Variants in ASB18 observed in about 807,000 individuals in gnomAD.
The protein encoded by ASB18 is ankyrin repeat and SOCS box protein 18.
ASB18 carries 33 observed loss-of-function variants against 33.4 expected under a neutral mutation model. That is an observed-to-expected ratio of 0.99 (90% confidence interval 0.75 to 1.32). ASB18 has a LOEUF of 1.32. Ranked by LOEUF, ASB18 falls within the 40% of genes most tolerant of loss-of-function variation. The pLI is 0.00. For missense variants in ASB18, 694 were observed against 655.5 expected (o/e 1.06, Z -0.64); for synonymous variants, 295 against 307.6 (o/e 0.96, Z 0.43).
At position 236,255,040 on chromosome 2, in the gene ASB18, C is replaced by A. The variant is rs376015101; in HGVS notation, c.205+9101G>T. On this transcript the variant is annotated intron_variant, in intron 1 of 5. Coordinates refer to ENST00000409749, the MANE Select transcript of ASB18 (RefSeq NM_212556.4). The surrounding 1 kb of genome is among the most constrained non-coding windows in gnomAD (Gnocchi z 4.4). ...CCTGCTCCCCATTTGCGTTCCGCCG[C>A]GACTGAAAGCTTCCTGAAGTCTCCC... Among the ~76,000 whole-genome samples the A allele has an allele frequency of 2.0e-5, 3 of 152,196 alleles. No individual in the cohort carries two copies. The highest frequency in any genetic ancestry group is 2.9e-5 in the Non-Finnish European group (2 of 68,042).
In ASB18 at chr2:236,225,083, C is replaced by T. The variant is rs1410026108; in HGVS notation, c.597-10217G>A. ...CCCCCACCCATAAGATAATTAGCTG[C>T]TTTTATAGATCCAACTCCAGCTCAT... On this transcript the variant is annotated intron_variant, in intron 3 of 5. Transcript: ENST00000409749. The surrounding 1 kb of genome is among the most constrained non-coding windows in gnomAD (Gnocchi z 5.1). Among the ~76,000 whole-genome samples, 1 of 152,104 alleles carries T rather than the reference C, an allele frequency of 6.6e-6. No homozygotes were observed. The highest frequency in any genetic ancestry group is 1.5e-5 in the Non-Finnish European group (1 of 68,028).
chr2:236,234,378 T>C lies in ASB18; in HGVS notation c.596+3311A>G, dbSNP rs935272001. Reference sequence around the variant, plus strand: ...GAACCTCTCAGCTCTGATCTAGGCATGGCTGCTCAGAAATGGGGTATTCTT... The same window carrying C: ...GAACCTCTCAGCTCTGATCTAGGCACGGCTGCTCAGAAATGGGGTATTCTT... On this transcript the variant is annotated intron_variant, in intron 3 of 5. Transcript: ENST00000409749. The surrounding 1 kb of genome is among the most constrained non-coding windows in gnomAD (Gnocchi z 4.1). Among the ~76,000 whole-genome samples the C allele has an allele frequency of 2.0e-5, 3 of 152,202 alleles. No individual in the cohort carries two copies. Among genetic ancestry groups the C allele is most frequent in the African/African-American group, 7.2e-5 (3 of 41,446 alleles).
At position 236,213,033 on chromosome 2, in the gene ASB18, T is replaced by C. The variant is rs549573377; in HGVS notation, c.1101+1329A>G. Reference sequence around the variant, plus strand: ...AAGGGCAGTGAGTCTTGTTTCCATGTTATAAGTTGATGAACTAAGCCTGCT... The same window carrying C: ...AAGGGCAGTGAGTCTTGTTTCCATGCTATAAGTTGATGAACTAAGCCTGCT... On this transcript the variant is annotated intron_variant, in intron 4 of 5. Transcript: ENST00000409749. The surrounding 1 kb of genome is among the most constrained non-coding windows in gnomAD (Gnocchi z 4.8). Among the ~76,000 whole-genome samples, 42 of 152,346 alleles carry C rather than the reference T, an allele frequency of 2.8e-4. No individual in the cohort carries two copies. The highest frequency in any genetic ancestry group is 1.2e-3 in the Admixed American group (19 of 15,306).
chr2:236,215,832 C>T lies in ASB18; in HGVS notation c.597-966G>A, dbSNP rs1412481675. Among the ~76,000 whole-genome samples, 2 of 152,292 alleles carry T rather than the reference C, an allele frequency of 1.3e-5. No individual in the cohort carries two copies. Among genetic ancestry groups the T allele is most frequent in the Non-Finnish European group, 2.9e-5 (2 of 68,022 alleles). ...ACCTGCTCCCATAGTCACCTGCCAT[C>T]GATAAGGCCGCTCCAGCCTTGGAAG... On this transcript the variant is annotated intron_variant, in intron 3 of 5. Coordinates refer to ENST00000409749, the MANE Select transcript of ASB18 (RefSeq NM_212556.4). This position sits in a 1 kb window ranked among gnomAD's most constrained non-coding sequence, Gnocchi z 7.2.
In ASB18 at chr2:236,237,196, A is replaced by T. The variant is rs1470718068; in HGVS notation, c.596+493T>A. Among the ~76,000 whole-genome samples the T allele has an allele frequency of 6.6e-6, 1 of 152,006 alleles. No homozygotes were observed. The highest frequency in any genetic ancestry group is 1.9e-4 in the East Asian group (1 of 5,168). On this transcript the variant is annotated intron_variant, in intron 3 of 5. Transcript: ENST00000409749. This position sits in a 1 kb window ranked among gnomAD's most constrained non-coding sequence, Gnocchi z 6.2. ...TATTCTGCATAAAATTATCATTAAA[A>T]ACCCTAATTTTTCAGCCTCCAACCC... is the stretch of plus-strand genomic sequence containing the variant.
rs1262223800 is a variant in ASB18 at position 236,259,344 on chromosome 2, C to T, written c.205+4797G>A. ...TCCAAGCTTTCTCTCAGGGTTAATA[C>T]CCTGTGCTAGGCTCTGGATATAATC... On this transcript the variant is annotated intron_variant, in intron 1 of 5. Coordinates refer to ENST00000409749, the MANE Select transcript of ASB18 (RefSeq NM_212556.4). This position sits in a 1 kb window ranked among gnomAD's most constrained non-coding sequence, Gnocchi z 4.4. Among the ~76,000 whole-genome samples, 1 of 152,206 alleles carries T rather than the reference C, an allele frequency of 6.6e-6. No homozygotes were observed. Among genetic ancestry groups the T allele is most frequent in the Non-Finnish European group, 1.5e-5 (1 of 68,036 alleles).
chr2:236,246,475 G>A (rs879784597), intron 1 of ASB18, among the ~76,000 whole-genome samples: 1 of 149,020 alleles, frequency 6.7e-6, no homozygotes, highest in Non-Finnish European at 1.5e-5. Flanking sequence ...AGTAGCAAAA[G>A]CAGCATCAAT....
rs1380666874 is a variant in ASB18, at chr2:236,237,735, C to G, written c.550G>C (p.Glu184Gln). The change falls in exon 3 of 6, where the codon GAG becomes CAG. Residue 184 changes from glutamate to glutamine, a missense_variant. By Grantham distance (29) the Glu-to-Gln change is conservative. Coordinates refer to ENST00000409749, the MANE Select transcript of ASB18 (RefSeq NM_212556.4). The surrounding 1 kb of genome is among the most constrained non-coding windows in gnomAD (Gnocchi z 6.2). ...HRADPDLLSA[E>Q]GLAPLHLCRT... is the part of the protein sequence containing the mutation. ...CAGAGGTGCAGAGGCGCCAGGCCCT[C>G]GGCGCTGAGCAGGTCGGGGTCGGCG... is the stretch of plus-strand genomic sequence containing the variant. 2 of 1,458,250 alleles carry G rather than the reference C, an allele frequency of 1.4e-6. No individual in the cohort carries two copies. The highest frequency in any genetic ancestry group is 1.5e-5 in the African/African-American group (1 of 67,840). 90.3% of individuals were successfully genotyped at this position (1,458,250 alleles called of 1,614,324 possible).
rs2106284578 is a variant in ASB18 at position 236,252,009 on chromosome 2, G to A, written c.206-10607C>T. ...AATCTGGCCGGGCATGGTGGCTCAT[G>A]CCTGTAATCCCAGCACTTTGGGAGG... is the stretch of plus-strand genomic sequence containing the variant. On this transcript the variant is annotated intron_variant, in intron 1 of 5. Coordinates refer to ENST00000409749, the MANE Select transcript of ASB18 (RefSeq NM_212556.4). The surrounding 1 kb of genome is among the most constrained non-coding windows in gnomAD (Gnocchi z 7.9). 6.6e-6 allele frequency among the ~76,000 whole-genome samples: 1 copy of A among 152,228 alleles called. No individual in the cohort carries two copies. Among genetic ancestry groups the A allele is most frequent in the Non-Finnish European group, 1.5e-5 (1 of 67,998 alleles).
rs2060427345 is a variant in ASB18, at chr2:236,205,241, C to A, written c.1102-8856G>T. ...CAACCTGTGCCCTCTCCCTTACCAC[C>A]CCTAATCTCATCTCCTACTCCCATC... On this transcript the variant is annotated intron_variant, in intron 4 of 5. Coordinates refer to ENST00000409749, the MANE Select transcript of ASB18 (RefSeq NM_212556.4). This position sits in a 1 kb window ranked among gnomAD's most constrained non-coding sequence, Gnocchi z 5.4. 6.6e-6 allele frequency among the ~76,000 whole-genome samples: 1 copy of A among 152,174 alleles called. No homozygotes were observed. Among genetic ancestry groups the A allele is most frequent in the Admixed American group, 6.5e-5 (1 of 15,284 alleles).
rs2060712946 is a variant in ASB18 at position 236,260,521 on chromosome 2, C to T, written c.205+3620G>A. Among the ~76,000 whole-genome samples, 1 of 152,294 alleles carries T rather than the reference C, an allele frequency of 6.6e-6. No individual in the cohort carries two copies. Among genetic ancestry groups the T allele is most frequent in the East Asian group, 1.9e-4 (1 of 5,188 alleles). The stretch of plus-strand genomic sequence containing the variant: ...AGCTCTTTCTCCCATCAAGGATGGT[C>T]CCCCCAAACTCGCCCTTACCTTGAG... On this transcript the variant is annotated intron_variant, in intron 1 of 5. Coordinates refer to ENST00000409749, the MANE Select transcript of ASB18 (RefSeq NM_212556.4). The surrounding 1 kb of genome is among the most constrained non-coding windows in gnomAD (Gnocchi z 5.1).
chr2:236,259,434 T>C lies in ASB18; in HGVS notation c.205+4707A>G, dbSNP rs1179995200. 1 of 449,780 alleles carries C rather than the reference T, an allele frequency of 2.2e-6. No homozygotes were observed. The highest frequency in any genetic ancestry group is 4.7e-6 in the Non-Finnish European group (1 of 213,324). The allele number at this position is 449,780 out of a possible 1,614,324, so 27.9% of individuals were successfully genotyped here. A position where few individuals can be genotyped will look rare whatever the true frequency, so the allele number is the denominator to read the frequency against. On this transcript the variant is annotated intron_variant, in intron 1 of 5. Transcript: ENST00000409749. This position sits in a 1 kb window ranked among gnomAD's most constrained non-coding sequence, Gnocchi z 4.4. ...TCAGGTTTGAATTATCCAGTTGGTA[T>C]ATAAAAAGCAGCCTAGCAAGGCCAT...
rs748651691 is a variant in ASB18 at position 236,260,046 on chromosome 2, G to T, written c.205+4095C>A. 6.6e-5 allele frequency among the ~76,000 whole-genome samples: 10 copies of T among 152,310 alleles called. No individual in the cohort carries two copies. The highest frequency in any genetic ancestry group is 8.8e-5 in the Non-Finnish European group (6 of 68,028). ...CTTTCTGTTCTATTTGGTGGGAGTAGTAAGTTCACAGGCCGATGAGCATGG... is the reference window on the plus strand; with the variant it reads ...CTTTCTGTTCTATTTGGTGGGAGTATTAAGTTCACAGGCCGATGAGCATGG... On this transcript the variant is annotated intron_variant, in intron 1 of 5. Transcript: ENST00000409749. The surrounding 1 kb of genome is among the most constrained non-coding windows in gnomAD (Gnocchi z 5.1).
At position 236,223,821 on chromosome 2, in the gene ASB18, A is replaced by G. The variant is rs556915537; in HGVS notation, c.597-8955T>C. 6.6e-6 allele frequency among the ~76,000 whole-genome samples: 1 copy of G among 152,118 alleles called. No homozygotes were observed. Among genetic ancestry groups the G allele is most frequent in the Non-Finnish European group, 1.5e-5 (1 of 68,026 alleles). ...TTTTGCTCAGCATCATGCTGTTCAC[A>G]TTCATCCATACTGTTGCCTGCATGG... is the stretch of plus-strand genomic sequence containing the variant. On this transcript the variant is annotated intron_variant, in intron 3 of 5. Coordinates refer to ENST00000409749, the MANE Select transcript of ASB18 (RefSeq NM_212556.4). The surrounding 1 kb of genome is among the most constrained non-coding windows in gnomAD (Gnocchi z 4.6).
rs547778011 is a variant in ASB18, at chr2:236,256,807, T to C, written c.205+7334A>G. 1.3e-5 allele frequency among the ~76,000 whole-genome samples: 2 copies of C among 152,312 alleles called. No individual in the cohort carries two copies. Among genetic ancestry groups the C allele is most frequent in the East Asian group, 1.9e-4 (1 of 5,180 alleles). ...CCTGTAGGATTTTTTTTCTTGTCCA[T>C]ATGCCTTTGAAGCCGGACCATTAGC... On this transcript the variant is annotated intron_variant, in intron 1 of 5. Transcript: ENST00000409749. This position sits in a 1 kb window ranked among gnomAD's most constrained non-coding sequence, Gnocchi z 4.7.
At position 236,237,650 on chromosome 2, in the gene ASB18, G is replaced by A. The variant is rs1195714004; in HGVS notation, c.596+39C>T. 2 of 1,362,274 alleles carry A rather than the reference G, an allele frequency of 1.5e-6. No individual in the cohort carries two copies. The highest frequency in any genetic ancestry group is 3.8e-5 in the Admixed American group (1 of 26,560). 84.4% of individuals were successfully genotyped at this position (1,362,274 alleles called of 1,614,324 possible). A position where few individuals can be genotyped will look rare whatever the true frequency, so the allele number is the denominator to read the frequency against. On this transcript the variant is annotated intron_variant, in intron 3 of 5. Transcript: ENST00000409749. This position sits in a 1 kb window ranked among gnomAD's most constrained non-coding sequence, Gnocchi z 6.2. ...GGGGGAGGCGGGCGTCTGGTCTCGG[G>A]GCGGGGCGGACGCCGCGGGCCTGTC...
chr2:236,223,936 G>A lies in ASB18; in HGVS notation c.597-9070C>T, dbSNP rs2060524953. ...AGCCATTTTCCCATTGATATTGATG[G>A]ACATTTGCATGTTTCTATTTTTTGA... On this transcript the variant is annotated intron_variant, in intron 3 of 5. Coordinates refer to ENST00000409749, the MANE Select transcript of ASB18 (RefSeq NM_212556.4). This position sits in a 1 kb window ranked among gnomAD's most constrained non-coding sequence, Gnocchi z 4.6. 6.6e-6 allele frequency among the ~76,000 whole-genome samples: 1 copy of A among 152,048 alleles called. No homozygotes were observed. Among genetic ancestry groups the A allele is most frequent in the Non-Finnish European group, 1.5e-5 (1 of 68,016 alleles).
intron 4 of ASB18, among the ~76,000 whole-genome samples, chr2:236,201,307 A>G (rs1298907690): frequency 2.0e-5 from 3 of 152,098 alleles, no homozygotes; most frequent in Non-Finnish European, 2.9e-5. Flanking sequence ...GCATGCCACT[A>G]TGCCAGGCTA....
chr2:236,196,756 G>C lies in ASB18; in HGVS notation c.1102-371C>G, dbSNP rs2060376180. Among the ~76,000 whole-genome samples the C allele has an allele frequency of 6.6e-6, 1 of 152,236 alleles. No homozygotes were observed. Among genetic ancestry groups the C allele is most frequent in the African/African-American group, 2.4e-5 (1 of 41,468 alleles). On this transcript the variant is annotated intron_variant, in intron 4 of 5. Transcript: ENST00000409749. This position sits in a 1 kb window ranked among gnomAD's most constrained non-coding sequence, Gnocchi z 5.6. ...AGGAATGAAGTTCTGCTAGGAGGAA[G>C]TTTGGCCCGAGGATGGTGTTCCCAA...
Sources: gnomAD v4.1 joint callset for allele counts (sites outside exome capture counted in the v4.1 genomes callset) on GRCh38, gnomAD v4.1.1 for gene constraint, Gnocchi (gnomAD v3.1) non-coding constraint, MANE v1.5 for transcripts, NCBI Gene and HGNC (gene_info 2026-07-23, HGNC 2026-07-21) for gene names.